The following CHSY3 variants were observed in gnomAD, a reference collection of about 807,000 sequenced individuals.
CHSY3 encodes the protein N-acetylgalactosaminyl-proteoglycan 3-beta-glucuronosyltransferase 3.
CHSY3 carries 35 observed loss-of-function variants against 67.2 expected under a neutral mutation model. That is an observed-to-expected ratio of 0.52 (90% confidence interval 0.40 to 0.69). The LOEUF (loss-of-function observed/expected upper bound fraction) is 0.69, where lower values mean the gene tolerates loss of function less well. CHSY3 is among the 30% of genes least tolerant of loss of function. The probability of loss-of-function intolerance (pLI) is 0.00; values close to 1 mark genes in which losing one functional copy is unlikely to be tolerated. For missense variants in CHSY3, 1,069 were observed against 1,138.5 expected (o/e 0.94, Z 0.88); for synonymous variants, 474 against 434.7 (o/e 1.09, Z -1.12).
At chr5:130,107,849 T>C (rs1011965063) in intron 2 of CHSY3, among the ~76,000 whole-genome samples, 2 of 151,698 alleles carry the variant, frequency 1.3e-5, no homozygotes, top group African/African-American at 4.8e-5. Flanking sequence ...AGTTGGCTGC[T>C]TAATTCTTCT....
intron 2 of CHSY3, among the ~76,000 whole-genome samples, chr5:130,146,296 G>T (rs992876909): frequency 3.3e-5 from 5 of 152,142 alleles, no homozygotes; most frequent in Non-Finnish European, 7.4e-5. Flanking sequence ...CCTTCATTTT[G>T]CCAGGTGATG....
At chr5:130,107,774 T>G (rs1172449377) in intron 2 of CHSY3, among the ~76,000 whole-genome samples, 2 of 151,596 alleles carry the variant, frequency 1.3e-5, no homozygotes, top group South Asian at 4.1e-4. Flanking sequence ...TTAGGTCTAA[T>G]TATTGGTATC....
intron 2 of CHSY3, among the ~76,000 whole-genome samples, chr5:129,909,551 A>T (rs1456266089): frequency 1.3e-5 from 2 of 152,054 alleles, no homozygotes; most frequent in Admixed American, 1.3e-4. Context: ...CATTTGAAAT[A>T]GGCATGAAAA....
intron 2 of CHSY3, chr5:130,002,110 T>C: frequency 1.0e-6 from 1 of 954,818 alleles, no homozygotes; most frequent in South Asian, 4.8e-5. Context: ...GGTGGCCTTC[T>C]TCTGTGTCTC....
intron 2 of CHSY3, among the ~76,000 whole-genome samples, chr5:130,081,973 A>T (rs181989140): frequency 6.6e-6 from 1 of 152,228 alleles, no homozygotes; most frequent in African/African-American, 2.4e-5. Flanking sequence ...TATTGCTTGA[A>T]CTAGAAATTT....
At chr5:130,048,208 A>G (rs1289321578) in intron 2 of CHSY3, among the ~76,000 whole-genome samples, 1 of 152,004 alleles carries the variant, frequency 6.6e-6, no homozygotes, top group Admixed American at 6.6e-5. Context: ...TAGTCCATGC[A>G]GGGTGGGCTT....
At chr5:129,970,451 C>T (rs573876868) in intron 2 of CHSY3, among the ~76,000 whole-genome samples, 55 of 149,252 alleles carry the variant, frequency 3.7e-4, no homozygotes, top group Non-Finnish European at 6.0e-4. Context: ...GATAGATAGA[C>T]AGACAGAAAG....
chr5:129,928,737 AATG>A (rs943885828), intron 2 of CHSY3, among the ~76,000 whole-genome samples: 6 of 152,168 alleles, frequency 3.9e-5, no homozygotes, highest in Non-Finnish European at 8.8e-5. Flanking sequence ...TGTATAAAAT[AATG>A]ATAGTAATAA....
At chr5:130,147,696 C>T (rs149968184) in intron 2 of CHSY3, among the ~76,000 whole-genome samples, 1 of 152,100 alleles carries the variant, frequency 6.6e-6, no homozygotes, top group East Asian at 1.9e-4. Flanking sequence ...CCTCAGGGAG[C>T]TTACAATCTG....
chr5:129,985,397 G>T (rs1763162625), intron 2 of CHSY3, among the ~76,000 whole-genome samples: 1 of 152,076 alleles, frequency 6.6e-6, no homozygotes, highest in South Asian at 2.1e-4. Context: ...CTGTTTTTAT[G>T]CCAGTATCAT....
At chr5:130,120,721 C>G (rs1767987135) in intron 2 of CHSY3, among the ~76,000 whole-genome samples, 1 of 151,768 alleles carries the variant, frequency 6.6e-6, no homozygotes, top group Non-Finnish European at 1.5e-5. Flanking sequence ...TCAGGATTAA[C>G]TGAGTTAAGA....
intron 2 of CHSY3, among the ~76,000 whole-genome samples, chr5:130,117,092 A>G (rs942177400): frequency 2.8e-4 from 43 of 152,138 alleles, no homozygotes; most frequent in African/African-American, 1.0e-3. Context: ...GGAGCATGCC[A>G]TGGAGAACAC....
chr5:130,088,495 C>A (rs1304339471), intron 2 of CHSY3, among the ~76,000 whole-genome samples: 4 of 152,056 alleles, frequency 2.6e-5, no homozygotes, highest in Non-Finnish European at 5.9e-5. Context: ...GGGCTAATAT[C>A]CAGAATCTAC....
chr5:130,089,783 A>G (rs764953552), intron 2 of CHSY3, among the ~76,000 whole-genome samples: 1 of 152,164 alleles, frequency 6.6e-6, no homozygotes, highest in Non-Finnish European at 1.5e-5. Context: ...AGACATTTGT[A>G]GGAAGATAGG....
upstream of CHSY3, chr5:129,904,414 A>C: frequency 1.5e-5 from 2 of 137,516 alleles, no homozygotes; most frequent in East Asian, 2.3e-4. Flanking sequence ...GGGAGGCGGG[A>C]GTGAGGGCGG....
At chr5:130,003,453 T>G (rs1561492648) in intron 2 of CHSY3, among the ~76,000 whole-genome samples, 1 of 152,080 alleles carries the variant, frequency 6.6e-6, no homozygotes, top group Non-Finnish European at 1.5e-5. Flanking sequence ...TCATAAGCCT[T>G]GTTGTAGGGA....
intron 2 of CHSY3, among the ~76,000 whole-genome samples, chr5:129,919,154 A>G (rs1291717652): frequency 6.6e-6 from 1 of 150,474 alleles, no homozygotes; most frequent in Non-Finnish European, 1.5e-5. Context: ...CTGCTAATAT[A>G]TTTTTTTAGA....
At chr5:129,938,559 G>A (rs991780130) in intron 2 of CHSY3, among the ~76,000 whole-genome samples, 1 of 152,156 alleles carries the variant, frequency 6.6e-6, no homozygotes, top group African/African-American at 2.4e-5. Flanking sequence ...AAGCAGCCAG[G>A]CCACATCGTG....
intron 2 of CHSY3, among the ~76,000 whole-genome samples, chr5:129,978,227 T>A (rs941345326): frequency 2.6e-5 from 4 of 152,176 alleles, no homozygotes; most frequent in Non-Finnish European, 5.9e-5. Flanking sequence ...ATGGTCACAA[T>A]TCGCTTCCAG....
Sources: gnomAD v4.1 joint callset for allele counts (sites outside exome capture counted in the v4.1 genomes callset) on GRCh38, gnomAD v4.1.1 for gene constraint, MANE v1.5 for transcripts, NCBI Gene and HGNC (gene_info 2026-07-23, HGNC 2026-07-21) for gene names.